The following GPR89B variants were observed in gnomAD, a reference collection of about 807,000 sequenced individuals.
GPR89B encodes G protein-coupled receptor 89B.
A neutral mutation model predicts 52.4 loss-of-function variants in GPR89B; 25 were observed. That is an observed-to-expected ratio of 0.48 (90% confidence interval 0.35 to 0.67). The LOEUF (loss-of-function observed/expected upper bound fraction) is 0.67, where lower values mean the gene tolerates loss of function less well. Among genes scored for constraint, GPR89B ranks in the 30% least tolerant of loss-of-function variants. GPR89B has a pLI of 0.01. For synonymous variants in GPR89B, 52 were observed against 151.2 expected (o/e 0.34, Z 4.81); for missense variants, 146 against 450.2 (o/e 0.32, Z 6.11).
chr1:147,950,945 G>C (rs1216045959), intron 5 of GPR89B, among the ~76,000 whole-genome samples: 1 of 152,136 alleles, frequency 6.6e-6, no homozygotes, highest in Non-Finnish European at 1.5e-5. Flanking sequence ...GAGGGAGACC[G>C]TGGGGAGAGG....
chr1:147,981,693 C>T (rs1415750187), intron 10 of GPR89B, among the ~76,000 whole-genome samples: 1 of 151,868 alleles, frequency 6.6e-6, no homozygotes, highest in Non-Finnish European at 1.5e-5. Flanking sequence ...CACTCTGTTG[C>T]CCAGGCTGGA....
intron 1 of GPR89B, among the ~76,000 whole-genome samples, chr1:147,935,042 A>C (rs1553247634): frequency 6.6e-6 from 1 of 151,978 alleles, no homozygotes; most frequent in African/African-American, 2.4e-5. Context: ...CTAATGTCAA[A>C]AAATATTTAA....
Position 147,966,055 on chromosome 1 carries a change from C to T in GPR89B, c.618-499C>T, listed in dbSNP as rs1345238556. ...AGAGATGGGGTTTCACCATGTTGCC[C>T]ATGCTGGTCTTGAACTCCCAACCTC... is the stretch of plus-strand genomic sequence containing the variant. On this transcript the variant is annotated intron_variant, in intron 7 of 13. Coordinates refer to ENST00000314163, the MANE Select transcript of GPR89B (RefSeq NM_016334.5). Among the ~76,000 whole-genome samples the T allele has an allele frequency of 1.7e-4, 26 of 151,918 alleles. No homozygotes were observed. In the East Asian group the frequency reaches 5.0e-3, roughly 29 times the overall value.
At chr1:147,931,812 C>T (rs1653648098) in intron 1 of GPR89B, among the ~76,000 whole-genome samples, 1 of 151,894 alleles carries the variant, frequency 6.6e-6, no homozygotes, top group Non-Finnish European at 1.5e-5. Flanking sequence ...ATTTAGCTCC[C>T]ACTTAGAAGT....
At chr1:147,997,829 A>T (rs1659352945), downstream of GPR89B, among the ~76,000 whole-genome samples, 1 of 144,082 alleles carries the variant, frequency 6.9e-6, no homozygotes, top group East Asian at 1.9e-4. Flanking sequence ...ATATGGTCAC[A>T]TATTGTAACA....
At chr1:148,008,628 C>T in the GPR89B span, among the ~76,000 whole-genome samples, 2 of 152,172 alleles carry the variant, frequency 1.3e-5, no homozygotes, top group African/African-American at 4.8e-5. Context: ...CCAACCAATA[C>T]CCCAGAGCCA....
In GPR89B at chr1:147,928,517, A is replaced by C; in HGVS notation, c.-20A>C. 4.3e-6 allele frequency: 7 copies of C among 1,613,798 alleles called. No homozygotes were observed. The highest frequency in any genetic ancestry group is 5.9e-6 in the Non-Finnish European group (7 of 1,179,766). On this transcript the variant is annotated 5_prime_UTR_variant, in exon 1 of 14. Coordinates refer to ENST00000314163, the MANE Select transcript of GPR89B (RefSeq NM_016334.5). ...TCCGGGAGTGGGAAGTGGAGGCAGG[A>C]GCCTTCCTTACACTTCGCCATGAGT...
chr1:148,013,894 AGCTCTG>A, the GPR89B span, among the ~76,000 whole-genome samples: 1 of 151,978 alleles, frequency 6.6e-6, no homozygotes, highest in Non-Finnish European at 1.5e-5. Flanking sequence ...TATGTGAAGC[AGCTCTG>A]GCTACAGCGG....
intron 7 of GPR89B, among the ~76,000 whole-genome samples, chr1:147,961,609 A>G (rs1465589993): frequency 1.3e-5 from 2 of 152,162 alleles, no homozygotes; most frequent in Non-Finnish European, 2.9e-5. Context: ...GTTTGAGTGC[A>G]GCCTGAGAGC....
intron 3 of GPR89B, among the ~76,000 whole-genome samples, chr1:147,940,369 C>T (rs1344788120): frequency 6.6e-6 from 1 of 151,544 alleles, no homozygotes; most frequent in Non-Finnish European, 1.5e-5. Context: ...TGCCACTGCA[C>T]TCCAGCCTGG....
intron 10 of GPR89B, among the ~76,000 whole-genome samples, chr1:147,984,198 G>A: frequency 1.1e-5 from 1 of 90,556 alleles, no homozygotes; most frequent in African/African-American, 4.4e-5. Flanking sequence ...GAGGGGGGAG[G>A]GATAGTTTTA....
At chr1:148,020,748 CACG>C in the GPR89B span, among the ~76,000 whole-genome samples, 1 of 152,022 alleles carries the variant, frequency 6.6e-6, no homozygotes, top group Admixed American at 6.5e-5. Context: ...AGTGCAGTTG[CACG>C]ATCCTGGCTC....
the GPR89B span, chr1:148,009,550 G>T: frequency 6.4e-7 from 1 of 1,551,278 alleles, no homozygotes; most frequent in South Asian, 1.1e-5. Context: ...TCCAGAACTA[G>T]TAAAGTCACT....
rs1658665913 is a variant in GPR89B, at chr1:147,986,311, G to A, written c.1005+17G>A. ...CAATTTGATGTAAGTGTTATATCAA[G>A]ATCCTGGTTTGTCATGTTTCTGTTT... On this transcript the variant is annotated intron_variant, in intron 11 of 13. Coordinates refer to ENST00000314163, the MANE Select transcript of GPR89B (RefSeq NM_016334.5). 6.2e-7 allele frequency: 1 copy of A among 1,610,424 alleles called. No individual in the cohort carries two copies. Among genetic ancestry groups the A allele is most frequent in the African/African-American group, 1.3e-5 (1 of 74,768 alleles).
chr1:147,998,880 CAAAAAAAAAA>C, the GPR89B span, among the ~76,000 whole-genome samples: 1 of 77,738 alleles, frequency 1.3e-5, no homozygotes, highest in African/African-American at 4.6e-5. Flanking sequence ...GACTCTGTCT[CAAAAAAAAAA>C]AAAAAAAAAA....
At chr1:147,949,477 C>T (rs1553250448) in intron 5 of GPR89B, among the ~76,000 whole-genome samples, 3 of 90,820 alleles carry the variant, frequency 3.3e-5, no homozygotes, top group Non-Finnish European at 6.4e-5. Flanking sequence ...CCGGACGGGG[C>T]GGCTGGCCGG....
chr1:147,948,271 G>A (rs1655178500), intron 5 of GPR89B, among the ~76,000 whole-genome samples: 1 of 152,138 alleles, frequency 6.6e-6, no homozygotes, highest in Admixed American at 6.5e-5. Flanking sequence ...AAGCCCTGAG[G>A]CAGAAAGACC....
At chr1:148,000,305 T>G in the GPR89B span, among the ~76,000 whole-genome samples, 8 of 151,554 alleles carry the variant, frequency 5.3e-5, no homozygotes, top group East Asian at 1.5e-3. Flanking sequence ...TAGGAACAAG[T>G]AGCATGCCAT....
At chr1:147,937,991 C>A (rs6593847) in intron 2 of GPR89B, among the ~76,000 whole-genome samples, 3 of 149,140 alleles carry the variant, frequency 2.0e-5, no homozygotes, top group African/African-American at 7.8e-5. Flanking sequence ...TAAAGACAGG[C>A]GTAAGAAATT....
Sources: allele counts gnomAD v4.1 joint callset (sites outside exome capture counted in the v4.1 genomes callset), GRCh38; gene constraint gnomAD v4.1.1; transcripts MANE v1.5; gene names NCBI Gene and HGNC (gene_info 2026-07-23, HGNC 2026-07-21).